Variants in SLC26A9 observed in about 807,000 individuals in gnomAD.
SLC26A9 encodes the protein solute carrier family 26 member 9.
A neutral mutation model predicts 87.1 loss-of-function variants in SLC26A9; 46 were observed. The ratio of observed to expected loss-of-function variants is 0.53; its 90% CI spans 0.42 to 0.67. SLC26A9 has a LOEUF of 0.67. Among genes scored for constraint, SLC26A9 ranks in the 30% least tolerant of loss-of-function variants. The probability of loss-of-function intolerance (pLI) is 0.00; values close to 1 mark genes in which losing one functional copy is unlikely to be tolerated. For missense variants in SLC26A9, 927 were observed against 1,018.3 expected (o/e 0.91, Z 1.22); for synonymous variants, 437 against 409.1 (o/e 1.07, Z -0.82).
chr1:205,920,457 G>A (rs1214484328), intron 17 of SLC26A9, among the ~76,000 whole-genome samples: 3 of 152,152 alleles, frequency 2.0e-5, no homozygotes, highest in East Asian at 1.9e-4. Context: ...CCAACGTGGC[G>A]GGCACTTAAA....
chr1:205,940,160 G>A (rs945424216), intron 1 of SLC26A9, among the ~76,000 whole-genome samples: 12 of 152,138 alleles, frequency 7.9e-5, no homozygotes, highest in African/African-American at 2.9e-4. Flanking sequence ...CCCATGCACT[G>A]GCAGGAGAGT....
At chr1:205,932,615 G>T in intron 4 of SLC26A9, 87 bp downstream of exon 4, 1 of 1,111,084 alleles carries the variant, frequency 9.0e-7, no homozygotes, top group Non-Finnish European at 1.3e-6. Context: ...GGAGAATGCA[G>T]ATGGAAAATC....
At chr1:205,919,344 C>A (rs1658725956) in intron 18 of SLC26A9, among the ~76,000 whole-genome samples, 1 of 152,142 alleles carries the variant, frequency 6.6e-6, no homozygotes, top group African/African-American at 2.4e-5. Flanking sequence ...CAGCAACTTC[C>A]AATGTGTGGC....
intron 2 of SLC26A9, among the ~76,000 whole-genome samples, chr1:205,933,608 C>T (rs996879363): frequency 6.6e-6 from 1 of 152,188 alleles, no homozygotes; most frequent in Non-Finnish European, 1.5e-5. Context: ...CACAGGGGCA[C>T]TTAGTAAATA....
At chr1:205,933,299 C>T (rs1044201395) in intron 2 of SLC26A9, among the ~76,000 whole-genome samples, 2 of 152,190 alleles carry the variant, frequency 1.3e-5, no homozygotes, top group Admixed American at 1.3e-4. Context: ...TGACTGCCAG[C>T]TGCTTACCTG....
chr1:205,919,293 C>T (rs1019745732), intron 18 of SLC26A9, among the ~76,000 whole-genome samples: 1 of 152,158 alleles, frequency 6.6e-6, no homozygotes, highest in African/African-American at 2.4e-5. Context: ...CAGTTCTATC[C>T]CCCAAGGACC....
In SLC26A9 at chr1:205,932,011, A is replaced by C; in HGVS notation, c.401T>G (p.Leu134Arg). 3 of 1,614,232 alleles carry C rather than the reference A, an allele frequency of 1.9e-6. No individual in the cohort carries two copies. Among genetic ancestry groups the C allele is most frequent in the Non-Finnish European group, 2.5e-6 (3 of 1,180,016 alleles). ...CAGCTGCAGACAGATGTTACCCACC[A>C]GGATGCTGATAACGGCAAAGGTACC... Reference protein sequence around the residue: ...VPGTFAVISILVGNICLQLAP... With the variant: ...VPGTFAVISIRVGNICLQLAP... Residue 134 changes from leucine (L) to arginine (R), a missense_variant, in exon 5 of 21, where the codon CTG (leucine) becomes CGG (arginine). Physicochemically the swap from Leu to Arg is moderately radical, Grantham distance 102. Transcript: ENST00000367135.
chr1:205,931,598 G>C (rs1235622700), intron 5 of SLC26A9, among the ~76,000 whole-genome samples: 4 of 151,376 alleles, frequency 2.6e-5, no homozygotes, highest in Non-Finnish European at 5.9e-5. Flanking sequence ...TCCTGAGTAG[G>C]TGGGACTACA....
rs1339579336 is a variant in SLC26A9 at position 205,932,808 on chromosome 1, C to A, written c.270G>T (p.Met90Ile). Residue 90 changes from methionine (M) to isoleucine (I), a missense_variant, in exon 4 of 21, where the codon ATG becomes ATT. Coordinates refer to ENST00000367135, the MANE Select transcript of SLC26A9 (RefSeq NM_052934.4). Reference sequence around the variant, plus strand: ...GAAGGTTGGCCAGCAGAGCAAATGCCATGCCTGCAGAGGACAACGAGACTG... The same window carrying A: ...GAAGGTTGGCCAGCAGAGCAAATGCAATGCCTGCAGAGGACAACGAGACTG... ...SGGSIQVPQG[M>I]AFALLANLPA... 6.3e-7 allele frequency: 1 copy of A among 1,594,404 alleles called. No homozygotes were observed. The highest frequency in any genetic ancestry group is 1.3e-5 in the African/African-American group (1 of 74,646).
intron 8 of SLC26A9, among the ~76,000 whole-genome samples, chr1:205,928,597 G>A (rs1353356598): frequency 6.6e-6 from 1 of 152,224 alleles, no homozygotes; most frequent in Non-Finnish European, 1.5e-5. Flanking sequence ...AGTTGAATGA[G>A]ATTTATAAGG....
At chr1:205,934,461 A>G (rs574121978) in intron 2 of SLC26A9, among the ~76,000 whole-genome samples, 94 of 152,220 alleles carry the variant, frequency 6.2e-4, no homozygotes, top group Non-Finnish European at 1.1e-3. Flanking sequence ...GGGCTAGTCC[A>G]TGCCCAACCT....
At position 205,929,884 on chromosome 1, in the gene SLC26A9, A is replaced by G. The variant is rs370452392; in HGVS notation, c.717+8T>C. Reference sequence around the variant, plus strand: ...GCTCCAATGGCAGGGGTGCATCCCCAGACTCACAAAGACGATGGACCCTGG... The same window carrying G: ...GCTCCAATGGCAGGGGTGCATCCCCGGACTCACAAAGACGATGGACCCTGG... On this transcript the variant is annotated splice_region_variant and intron_variant, in intron 6 of 20. Coordinates refer to ENST00000367135, the MANE Select transcript of SLC26A9 (RefSeq NM_052934.4). 8.2e-6 allele frequency: 13 copies of G among 1,582,938 alleles called. No homozygotes were observed. The highest frequency in any genetic ancestry group is 1.1e-5 in the Non-Finnish European group (13 of 1,156,270).
rs567448161 is a variant in SLC26A9, at chr1:205,926,736, A to T, written c.1294-106T>A. ...TGGCAGGACAGAGACGGAGTTCTGG[A>T]ACACCTCCCCTGGCTGATCCCCCAA... is the stretch of plus-strand genomic sequence containing the variant. On this transcript the variant is annotated intron_variant, in intron 11 of 20. Transcript: ENST00000367135. 35 of 886,078 alleles carry T rather than the reference A, an allele frequency of 3.9e-5. No homozygotes were observed. In the East Asian group the frequency reaches 8.6e-4, roughly 22 times the overall value. 54.9% of individuals were successfully genotyped at this position (886,078 alleles called of 1,614,324 possible).
intron 1 of SLC26A9, among the ~76,000 whole-genome samples, chr1:205,939,251 G>C (rs1007748192): frequency 2.0e-4 from 31 of 152,312 alleles, no homozygotes; most frequent in African/African-American, 7.5e-4. Context: ...TTTAACTCCA[G>C]TGTTCCTATT....
chr1:205,929,975 C>A lies in SLC26A9; in HGVS notation c.634G>T (p.Gly212Cys). ...SFIRGFMTAA[G>C]LQILISVLKY... is the part of the protein sequence containing the mutation. ...AGCACCGAAATCAGGATCTGCAGGC[C>A]GGCGGCCGTCATGAAGCCCCGGATG... is the stretch of plus-strand genomic sequence containing the variant. Residue 212 changes from glycine (G) to cysteine (C), a missense_variant, in exon 6 of 21, where the codon GGC becomes TGC. Transcript: ENST00000367135. 6.2e-7 allele frequency: 1 copy of A among 1,613,872 alleles called. No homozygotes were observed.
At chr1:205,924,538 T>G (rs766164715) in intron 12 of SLC26A9, 49 bp from the exon 13 acceptor site, 1 of 1,558,656 alleles carries the variant, frequency 6.4e-7, no homozygotes, top group Non-Finnish European at 8.8e-7. Flanking sequence ...AAACAACCTC[T>G]TTCAGGAAGT....
chr1:205,923,114 G>C lies in SLC26A9; in HGVS notation c.1741C>G (p.Gln581Glu). ...TTCATGAATAGAGACCTCCTCTGTT[G>C]TGTGGGCCTCATTCTCCGCTTCTCC... ...KQEKRRMRPT[Q>E]QRRSLFMKTK... The change falls in exon 16 of 21, where the codon CAA becomes GAA. Residue 581 changes from glutamine (Q) to glutamate (E), a missense_variant. Gln to Glu is a conservative substitution (Grantham distance 29). Coordinates refer to ENST00000367135, the MANE Select transcript of SLC26A9 (RefSeq NM_052934.4). 4 of 1,614,106 alleles carry C rather than the reference G, an allele frequency of 2.5e-6. No homozygotes were observed. Among genetic ancestry groups the C allele is most frequent in the Non-Finnish European group, 2.5e-6 (3 of 1,180,028 alleles).
intron 16 of SLC26A9, 22 bp from the exon 17 acceptor site, chr1:205,921,869 G>GCA: frequency 6.3e-7 from 1 of 1,594,784 alleles, no homozygotes; most frequent in Non-Finnish European, 8.5e-7. Flanking sequence ...GGGACAGTGG[G>GCA]CAGAGTCAGG....
Position 205,914,914 on chromosome 1 carries a change from C to A in SLC26A9, c.*443G>T, listed in dbSNP as rs761821476. The A allele has an allele frequency of 1.2e-6, 2 of 1,613,190 alleles. No homozygotes were observed. Among genetic ancestry groups the A allele is most frequent in the Admixed American group, 1.7e-5 (1 of 59,988 alleles). On this transcript the variant is annotated 3_prime_UTR_variant, in exon 21 of 21. Transcript: ENST00000367135. ...TCCCTATGTCCGTGACAGCCTGACA[C>A]CATCTGACACCGAGCCGTGTGGGCT...
Sources: gnomAD v4.1 joint callset for allele counts (sites outside exome capture counted in the v4.1 genomes callset) on GRCh38, gnomAD v4.1.1 for gene constraint, MANE v1.5 for transcripts, NCBI Gene and HGNC (gene_info 2026-07-23, HGNC 2026-07-21) for gene names.